Variants in BACE2 observed in about 807,000 individuals in gnomAD.
BACE2 encodes 56 kDa aspartic-like protease.
Under a neutral mutation model 46.2 loss-of-function variants are expected in BACE2, and 17 were observed. The observed-to-expected ratio is 0.37, with a 90% CI of 0.25 to 0.55. BACE2 has a LOEUF of 0.55. Ranked by LOEUF, BACE2 falls within the 20% of genes least tolerant of loss-of-function variation. The pLI is 0.82. For missense variants in BACE2, 595 were observed against 698.1 expected, an observed-to-expected ratio of 0.85 and a Z score of 1.66; for synonymous variants, 277 against 295.9, an observed-to-expected ratio of 0.94 and a Z score of 0.66.
chr21:41,211,185 C>T (rs117977160), intron 1 of BACE2, among the ~76,000 whole-genome samples: 1 of 150,732 alleles, frequency 6.6e-6, no homozygotes, highest in African/African-American at 2.4e-5. Context: ...TCCCTCTCCC[C>T]CCTTCACTGC....
intron 1 of BACE2, chr21:41,180,249 CTGGACCTATTTTAGCTAGTGCTCAGTT>C (rs1369298038): frequency 5.5e-6 from 1 of 183,320 alleles, no homozygotes; most frequent in Non-Finnish European, 1.3e-5. Flanking sequence ...AGCATCTGCC[CTGGACCTATTTTAGCTAGTGCTCAGTT>C]TGGTCTGAGT....
chr21:41,267,617 G>A (rs145539234), intron 8 of BACE2, among the ~76,000 whole-genome samples: 2 of 152,280 alleles, frequency 1.3e-5, no homozygotes, highest in East Asian at 3.9e-4. Flanking sequence ...AAATAGCAGA[G>A]TTAGCTGTTA....
intron 8 of BACE2, among the ~76,000 whole-genome samples, chr21:41,262,540 G>A (rs967351661): frequency 4.6e-5 from 7 of 151,814 alleles, no homozygotes; most frequent in African/African-American, 1.5e-4. Flanking sequence ...TCAACTTGTC[G>A]AGATCCCTGA....
At chr21:41,242,482 AAGT>A (rs1195313932) in intron 4 of BACE2, among the ~76,000 whole-genome samples, 3 of 152,110 alleles carry the variant, frequency 2.0e-5, no homozygotes, top group Non-Finnish European at 2.9e-5. Flanking sequence ...CAGACGTCAA[AAGT>A]AGTAGGGGAC....
At chr21:41,199,273 G>A (rs1458010252) in intron 1 of BACE2, among the ~76,000 whole-genome samples, 1 of 151,934 alleles carries the variant, frequency 6.6e-6, no homozygotes, top group African/African-American at 2.4e-5. Context: ...CTGGCTGCCG[G>A]AGTCCCTTCC....
intron 6 of BACE2, 37 bp downstream of exon 6, chr21:41,246,100 T>C (rs1408055937): frequency 6.6e-7 from 1 of 1,523,092 alleles, no homozygotes. Context: ...CCCGAGTTGC[T>C]GAGTTACAGT....
At position 41,168,450 on chromosome 21, in the gene BACE2, G is replaced by A; in HGVS notation, c.187G>A (p.Ala63Thr). ...GCGCCACGCCGACGGCTTGGCGCTC[G>A]CCCTGGAGCCTGCCCTGGCGTCCCC... ...AERHADGLAL[A>T]LEPALASPAG... The change falls in exon 1 of 9, where the codon GCC becomes ACC. Residue 63 changes from alanine (A) to threonine (T), a missense_variant. By Grantham distance (58) the Ala-to-Thr change is moderately conservative (BLOSUM62 0). This residue lies in a region of BACE2 where 248 missense variants were observed against 261.4 expected (regional missense o/e 0.95). Transcript: ENST00000330333. 1 of 1,392,274 alleles carries A rather than the reference G, an allele frequency of 7.2e-7. No homozygotes were observed. The highest frequency in any genetic ancestry group is 1.7e-5 in the South Asian group (1 of 58,936). 86.2% of individuals were successfully genotyped at this position (1,392,274 alleles called of 1,614,324 possible).
chr21:41,268,492 T>C (rs1269946533), intron 8 of BACE2, among the ~76,000 whole-genome samples: 3 of 152,256 alleles, frequency 2.0e-5, no homozygotes, highest in African/African-American at 4.8e-5. Context: ...CGTCTAATCT[T>C]GAGCAGCTAG....
At chr21:41,179,993 A>G in intron 1 of BACE2, 1 of 348,546 alleles carries the variant, frequency 2.9e-6, no homozygotes, top group Non-Finnish European at 5.8e-6. Context: ...CTTTTATTGA[A>G]GCGGCCGGCT....
In BACE2 at chr21:41,281,366, T is replaced by A. The variant is rs977566129; in HGVS notation, c.*5742T>A. ...AATAAAAGGCTAGAAACCTTGGGTG[T>A]CCTTGGCAACCTAGCCTTTGACATT... is the stretch of plus-strand genomic sequence containing the variant. On this transcript the variant is annotated 3_prime_UTR_variant, in exon 9 of 9. Coordinates refer to ENST00000330333, the MANE Select transcript of BACE2 (RefSeq NM_012105.5). 2.0e-5 allele frequency: 3 copies of A among 152,236 alleles called. No homozygotes were observed. The highest frequency in any genetic ancestry group is 2.9e-5 in the Non-Finnish European group (2 of 68,034). 9.4% of individuals were successfully genotyped at this position (152,236 alleles called of 1,614,324 possible).
At chr21:41,243,547 T>G (rs1365589585) in intron 5 of BACE2, 37 bp downstream of exon 5, 1 of 1,570,784 alleles carries the variant, frequency 6.4e-7, no homozygotes, top group Middle Eastern at 1.7e-4. Flanking sequence ...TCTTTCTGTG[T>G]ATGTCTGGGT....
intron 1 of BACE2, chr21:41,178,068 G>T (rs1984925628): frequency 6.6e-6 from 1 of 152,224 alleles, no homozygotes; most frequent in Non-Finnish European, 1.5e-5. Context: ...TGGAAGTGCT[G>T]CTCGGCATTC....
intron 1 of BACE2, among the ~76,000 whole-genome samples, chr21:41,215,499 C>T (rs1243483706): frequency 1.3e-5 from 2 of 152,218 alleles, no homozygotes; most frequent in African/African-American, 4.8e-5. Context: ...CAAAGGCCCT[C>T]GAGGCCGCTG....
chr21:41,221,827 C>CAAAAAA (rs58502168), intron 1 of BACE2, among the ~76,000 whole-genome samples: 11 of 98,730 alleles, frequency 1.1e-4, no homozygotes, highest in East Asian at 5.5e-4. Flanking sequence ...GACTCTGTCT[C>CAAAAAA]AAAAAAAAAA....
chr21:41,239,144 C>T (rs918156878), intron 3 of BACE2, among the ~76,000 whole-genome samples: 9 of 139,792 alleles, frequency 6.4e-5, no homozygotes, highest in Non-Finnish European at 6.2e-5. Context: ...ATCTTCCCAT[C>T]GTGGAAGAAC....
chr21:41,193,267 C>G lies in BACE2; in HGVS notation c.312+24692C>G, dbSNP rs901914773. Among the ~76,000 whole-genome samples, 4 of 152,166 alleles carry G rather than the reference C, an allele frequency of 2.6e-5. No homozygotes were observed. The highest frequency in any genetic ancestry group is 4.8e-5 in the African/African-American group (2 of 41,436). On this transcript the variant is annotated intron_variant, in intron 1 of 8. Transcript: ENST00000330333. The surrounding 1 kb of genome is among the most constrained non-coding windows in gnomAD (Gnocchi z 4.2). ...AATTGCTTCTGGTGGGCCTTATGGA[C>G]AGGAATGGGGAAAAAGTCATTTGCC...
intron 1 of BACE2, among the ~76,000 whole-genome samples, chr21:41,210,026 G>A (rs1986249193): frequency 6.6e-6 from 1 of 152,010 alleles, no homozygotes; most frequent in Non-Finnish European, 1.5e-5. Context: ...ATCACCCCAG[G>A]AACGAGGTTT....
At position 41,276,491 on chromosome 21, in the gene BACE2, CTG is replaced by C. The variant is rs1412148299; in HGVS notation, c.*870_*871del. The C allele has an allele frequency of 6.6e-6, 1 of 152,268 alleles. No homozygotes were observed. The highest frequency in any genetic ancestry group is 1.5e-5 in the Non-Finnish European group (1 of 68,080). 9.4% of individuals were successfully genotyped at this position (152,268 alleles called of 1,614,324 possible). A position where few individuals can be genotyped will look rare whatever the true frequency, so the allele number is the denominator to read the frequency against. On this transcript the variant is annotated 3_prime_UTR_variant, in exon 9 of 9. Coordinates refer to ENST00000330333, the MANE Select transcript of BACE2 (RefSeq NM_012105.5). Reference sequence around the variant, plus strand: ...CAGCCAAGACCCAACAGGTGCTGAACTGTGCATCAACCAGGAAGAGTTCTATC... The same window carrying C: ...CAGCCAAGACCCAACAGGTGCTGAACTGCATCAACCAGGAAGAGTTCTATC...
chr21:41,216,324 T>C (rs1986464889), intron 1 of BACE2, among the ~76,000 whole-genome samples: 1 of 152,216 alleles, frequency 6.6e-6, no homozygotes, highest in Admixed American at 6.5e-5. Flanking sequence ...CCTTATTTAT[T>C]TGGGGCCATT....
Sources: gnomAD v4.1 joint callset for allele counts (sites outside exome capture counted in the v4.1 genomes callset) on GRCh38, gnomAD v4.1.1 for gene constraint, gnomAD v4.1.1 regional missense constraint, Gnocchi (gnomAD v3.1) non-coding constraint, MANE v1.5 for transcripts, NCBI Gene and HGNC (gene_info 2026-07-23, HGNC 2026-07-21) for gene names.